The following KCNMA1 variants were observed in gnomAD, a reference collection of about 807,000 sequenced individuals.
KCNMA1 encodes the protein potassium calcium-activated channel subfamily M alpha 1.
Under a neutral mutation model 140.0 loss-of-function variants are expected in KCNMA1, and 29 were observed. That is an observed-to-expected ratio of 0.21 (90% CI 0.15 to 0.28). The LOEUF (loss-of-function observed/expected upper bound fraction) is 0.28. Among genes scored for constraint, KCNMA1 ranks in the 10% least tolerant of loss-of-function variants. The probability of loss-of-function intolerance (pLI) is 1.00; values close to 1 mark genes in which losing one functional copy is unlikely to be tolerated. For synonymous variants in KCNMA1, 612 were observed against 611.9 expected (o/e 1.00, Z 0.00); for missense variants, 880 against 1,602.2 (o/e 0.55, Z 7.70).
chr10:77,322,064 A>C (rs1023943922), intron 2 of KCNMA1, among the ~76,000 whole-genome samples: 1 of 152,214 alleles, frequency 6.6e-6, no homozygotes, highest in African/African-American at 2.4e-5. Context: ...GCTTCCTTTA[A>C]AGAGATGACT....
intron 2 of KCNMA1, among the ~76,000 whole-genome samples, chr10:77,371,552 T>C (rs541540026): frequency 6.6e-6 from 1 of 152,314 alleles, no homozygotes; most frequent in South Asian, 2.1e-4. Context: ...TTTGACAAAT[T>C]ACAAACTGGC....
intron 19 of KCNMA1, among the ~76,000 whole-genome samples, chr10:77,000,641 C>T (rs1470581114): frequency 6.6e-6 from 1 of 151,868 alleles, no homozygotes; most frequent in Admixed American, 6.6e-5. Flanking sequence ...ATCACAATTG[C>T]TGCAAGATAC....
At chr10:77,392,207 G>A (rs1224330733) in intron 2 of KCNMA1, among the ~76,000 whole-genome samples, 1 of 113,292 alleles carries the variant, frequency 8.8e-6, no homozygotes, top group African/African-American at 3.5e-5. Context: ...GGGCAGTGGG[G>A]AGGAAGGAAG....
intron 14 of KCNMA1, among the ~76,000 whole-genome samples, chr10:77,040,228 C>T (rs2094589401): frequency 1.3e-5 from 2 of 152,070 alleles, no homozygotes; most frequent in Admixed American, 6.6e-5. Flanking sequence ...CACTCACCCA[C>T]ATTAGTGGGC....
chr10:77,252,804 T>C (rs1318616305), intron 2 of KCNMA1, among the ~76,000 whole-genome samples: 2 of 152,012 alleles, frequency 1.3e-5, no homozygotes, highest in Admixed American at 6.6e-5. Flanking sequence ...TGCAGTTTCA[T>C]AGCAACTGAT....
At chr10:77,260,890 C>G (rs1019739747) in intron 2 of KCNMA1, among the ~76,000 whole-genome samples, 2 of 152,134 alleles carry the variant, frequency 1.3e-5, no homozygotes, top group Non-Finnish European at 2.9e-5. Flanking sequence ...TCTGTGAAAA[C>G]AGATGTCATA....
chr10:77,288,962 T>C (rs953491904), intron 2 of KCNMA1, among the ~76,000 whole-genome samples: 2 of 152,186 alleles, frequency 1.3e-5, no homozygotes, highest in Non-Finnish European at 2.9e-5. Flanking sequence ...TGGTTCCACC[T>C]CACTTAGCCA....
At chr10:77,236,331 A>T (rs2055440508) in intron 3 of KCNMA1, among the ~76,000 whole-genome samples, 1 of 152,168 alleles carries the variant, frequency 6.6e-6, no homozygotes, top group Non-Finnish European at 1.5e-5. Context: ...CCTGTAATAA[A>T]TTGTAACCGT....
At chr10:77,265,833 C>G (rs2063271759) in intron 2 of KCNMA1, among the ~76,000 whole-genome samples, 1 of 152,102 alleles carries the variant, frequency 6.6e-6, no homozygotes, top group African/African-American at 2.4e-5. Flanking sequence ...ATAATCCCAG[C>G]ACTTTGGGAG....
chr10:77,542,228 G>A (rs2060343588), intron 1 of KCNMA1, among the ~76,000 whole-genome samples: 2 of 152,198 alleles, frequency 1.3e-5, no homozygotes, highest in South Asian at 2.1e-4. Context: ...AATTTCTACT[G>A]TTTGCAAATC....
At chr10:76,877,668 A>T (rs1170033188), downstream of KCNMA1, 5 of 1,437,356 alleles carry the variant, frequency 3.5e-6, no homozygotes, top group Non-Finnish European at 4.8e-6. Flanking sequence ...TTCAGCATGT[A>T]AGAAGAAAAG....
chr10:77,434,841 G>A, intron 1 of KCNMA1, among the ~76,000 whole-genome samples: 1 of 152,170 alleles, frequency 6.6e-6, no homozygotes, highest in Non-Finnish European at 1.5e-5. Flanking sequence ...CTGGATCAGT[G>A]CTTCTTAAAT....
chr10:77,233,670 T>C lies in KCNMA1; in HGVS notation c.602+17525A>G, dbSNP rs141005798. Reference sequence around the variant, plus strand: ...TATCTACTGGGAAATCTAGTGCCTATTGTTTGAAGAATGCAGTCTTGCAAG... The same window carrying C: ...TATCTACTGGGAAATCTAGTGCCTACTGTTTGAAGAATGCAGTCTTGCAAG... On this transcript the variant is annotated intron_variant, in intron 3 of 27. Coordinates refer to ENST00000286628, the MANE Select transcript of KCNMA1 (RefSeq NM_001161352.2). Among the ~76,000 whole-genome samples, 290 of 152,326 alleles carry C rather than the reference T, an allele frequency of 1.9e-3. 2 individuals are homozygous for C. Among genetic ancestry groups the C allele is most frequent in the Non-Finnish European group, 1.3e-3 (91 of 68,032 alleles).
At chr10:77,247,414 T>C (rs1484123821) in intron 3 of KCNMA1, among the ~76,000 whole-genome samples, 1 of 152,162 alleles carries the variant, frequency 6.6e-6, no homozygotes, top group Admixed American at 6.5e-5. Flanking sequence ...TTGCTGTTCT[T>C]GTGTCAAAGG....
At chr10:77,503,613 T>C (rs1241380788) in intron 1 of KCNMA1, among the ~76,000 whole-genome samples, 1 of 152,244 alleles carries the variant, frequency 6.6e-6, no homozygotes, top group Non-Finnish European at 1.5e-5. Context: ...AGCAATCCTC[T>C]GAAGTCAGCT....
At chr10:76,986,258 G>A (rs143449844) in intron 19 of KCNMA1, among the ~76,000 whole-genome samples, 136 of 152,156 alleles carry the variant, frequency 8.9e-4, no homozygotes, top group Non-Finnish European at 1.2e-3. Flanking sequence ...CAACCAAAAG[G>A]GTATCCTTTA....
At chr10:76,892,297 T>C (rs757146108) in intron 25 of KCNMA1, among the ~76,000 whole-genome samples, 1 of 152,164 alleles carries the variant, frequency 6.6e-6, no homozygotes, top group Non-Finnish European at 1.5e-5. Flanking sequence ...TCCTGGTAAG[T>C]GTACTTTGGC....
intron 19 of KCNMA1, among the ~76,000 whole-genome samples, chr10:77,000,669 T>C (rs1414130073): frequency 6.6e-6 from 1 of 151,898 alleles, no homozygotes; most frequent in African/African-American, 2.4e-5. Context: ...AAACAGGGGC[T>C]ATACTATTGG....
chr10:77,005,877 G>T (rs367593013), intron 18 of KCNMA1, among the ~76,000 whole-genome samples: 6 of 152,148 alleles, frequency 3.9e-5, no homozygotes, highest in Non-Finnish European at 7.4e-5. Flanking sequence ...AAACAAAAAG[G>T]CTTCTCAGAA....
Sources: allele counts gnomAD v4.1 joint callset (sites outside exome capture counted in the v4.1 genomes callset), GRCh38; gene constraint gnomAD v4.1.1; transcripts MANE v1.5; gene names NCBI Gene and HGNC (gene_info 2026-07-23, HGNC 2026-07-21).